Variants in SNX29 observed in about 807,000 individuals in gnomAD.
SNX29 encodes sorting nexin-29.
In SNX29, 78 loss-of-function variants were observed where a neutral mutation model predicts 102.1. The observed-to-expected ratio is 0.76, with a 90% CI of 0.64 to 0.92. The LOEUF is 0.92. Among genes scored for constraint, SNX29 ranks in the 40% least tolerant of loss-of-function variants. The pLI is 0.00. For missense variants in SNX29, 1,280 were observed against 1,061.7 expected, an observed-to-expected ratio of 1.21 and a Z score of -2.86; for synonymous variants, 580 against 414.5, an observed-to-expected ratio of 1.40 and a Z score of -4.85.
chr16:12,552,330 T>C (rs1267437727), intron 20 of SNX29, among the ~76,000 whole-genome samples: 1 of 152,146 alleles, frequency 6.6e-6, no homozygotes, highest in African/African-American at 2.4e-5. Flanking sequence ...GGAACTCCTC[T>C]CCTGGCTTCT....
chr16:12,140,153 G>C (rs1176712309), intron 13 of SNX29, among the ~76,000 whole-genome samples: 2 of 152,090 alleles, frequency 1.3e-5, no homozygotes, highest in Non-Finnish European at 2.9e-5. Context: ...AAGCTCTCAG[G>C]GGGTATCACG....
intron 14 of SNX29, among the ~76,000 whole-genome samples, chr16:12,239,862 A>G (rs1373567852): frequency 6.6e-6 from 1 of 152,146 alleles, no homozygotes; most frequent in Non-Finnish European, 1.5e-5. Flanking sequence ...AGTCTATTAG[A>G]ATTTTTTAAA....
chr16:12,386,618 G>A (rs1038595561), intron 16 of SNX29, among the ~76,000 whole-genome samples: 1 of 152,176 alleles, frequency 6.6e-6, no homozygotes, highest in Non-Finnish European at 1.5e-5. Flanking sequence ...TCCAGAGAAG[G>A]AGTCTGCTAA....
chr16:12,351,810 A>C (rs1211567015), intron 15 of SNX29, among the ~76,000 whole-genome samples: 2 of 152,246 alleles, frequency 1.3e-5, no homozygotes, highest in South Asian at 4.2e-4. Flanking sequence ...CTTTTAGGCC[A>C]GGGCTACCAA....
chr16:12,568,304 T>TGAAAAAAAAAAA (rs1555465909), intron 20 of SNX29, among the ~76,000 whole-genome samples: 1 of 146,340 alleles, frequency 6.8e-6, no homozygotes, highest in Non-Finnish European at 1.5e-5. Flanking sequence ...GGAGTGCTGT[T>TGAAAAAAAAAAA]AAAAAAAAAA....
At chr16:12,403,255 T>TGGGG (rs200446987) in intron 17 of SNX29, among the ~76,000 whole-genome samples, 193 bp from the exon 18 acceptor site, 27 of 100,952 alleles carry the variant, frequency 2.7e-4, no homozygotes, top group Admixed American at 1.5e-3. Flanking sequence ...TGTGTGTGTG[T>TGGGG]AGAGAGAGAC....
At chr16:12,353,810 T>G (rs995440107) in intron 15 of SNX29, among the ~76,000 whole-genome samples, 14 of 152,260 alleles carry the variant, frequency 9.2e-5, no homozygotes. Flanking sequence ...GTTTGGGTTT[T>G]ACTCTTAAAG....
chr16:12,278,243 A>G (rs1239035155), intron 15 of SNX29, among the ~76,000 whole-genome samples: 3 of 152,222 alleles, frequency 2.0e-5, no homozygotes, highest in African/African-American at 7.2e-5. Flanking sequence ...AAATATTGGA[A>G]CTTTTTGGCA....
chr16:12,293,429 G>T (rs1257531719), intron 15 of SNX29, among the ~76,000 whole-genome samples: 1 of 152,210 alleles, frequency 6.6e-6, no homozygotes, highest in Non-Finnish European at 1.5e-5. Flanking sequence ...TGTTCAGACA[G>T]TGTGTTTGTT....
At chr16:11,999,203 A>G (rs574700124) in intron 1 of SNX29, 94 bp from the exon 2 acceptor site, 1 of 1,128,004 alleles carries the variant, frequency 8.9e-7, no homozygotes, top group African/African-American at 1.6e-5. Context: ...TGTGCTACTG[A>G]TTTTGTTAAA....
chr16:12,300,538 C>G (rs2080135148), intron 15 of SNX29, among the ~76,000 whole-genome samples: 2 of 152,216 alleles, frequency 1.3e-5, no homozygotes, highest in African/African-American at 4.8e-5. Context: ...CTGTTAACCT[C>G]AGTCCCTTTT....
chr16:12,217,201 G>A (rs1339002886), intron 14 of SNX29, among the ~76,000 whole-genome samples: 2 of 152,126 alleles, frequency 1.3e-5, no homozygotes, highest in African/African-American at 4.8e-5. Context: ...TGTATTTTTT[G>A]TAGAGACAGG....
At chr16:12,565,889 C>T (rs773807618) in intron 20 of SNX29, among the ~76,000 whole-genome samples, 5 of 151,798 alleles carry the variant, frequency 3.3e-5, no homozygotes, top group Admixed American at 6.6e-5. Context: ...CCTGAGTTCC[C>T]TCTCATTGGG....
intron 15 of SNX29, among the ~76,000 whole-genome samples, chr16:12,340,224 G>T (rs1413001278): frequency 1.3e-5 from 2 of 152,120 alleles, no homozygotes; most frequent in Non-Finnish European, 2.9e-5. Context: ...AACTAGAATG[G>T]AATGCAGCTG....
chr16:12,239,913 A>G (rs2078050630), intron 14 of SNX29, among the ~76,000 whole-genome samples: 1 of 152,144 alleles, frequency 6.6e-6, no homozygotes, highest in South Asian at 2.1e-4. Context: ...TTGTAATCTC[A>G]TCACCCAAAA....
intron 8 of SNX29, among the ~76,000 whole-genome samples, chr16:12,055,574 G>C (rs887873585): frequency 2.0e-5 from 3 of 152,144 alleles, no homozygotes. Flanking sequence ...TGATTGTGGG[G>C]CTGGGAAGTC....
chr16:12,094,861 CT>C (rs200722191), intron 11 of SNX29, among the ~76,000 whole-genome samples: 2 of 151,092 alleles, frequency 1.3e-5, no homozygotes, highest in South Asian at 2.1e-4. Context: ...TTGTCTTAGG[CT>C]TTTTTTTTAA....
intron 8 of SNX29, chr16:12,060,698 A>G (rs750204377): frequency 2.9e-5 from 13 of 449,292 alleles, no homozygotes; most frequent in Non-Finnish European, 4.0e-5. Flanking sequence ...GGACGGCTAT[A>G]CTGCAAAAAT....
At chr16:12,410,063 C>T (rs767591201) in intron 18 of SNX29, among the ~76,000 whole-genome samples, 9 of 151,044 alleles carry the variant, frequency 6.0e-5, no homozygotes, top group East Asian at 2.0e-4. Context: ...AGCGCAATCT[C>T]GGTTCACTGC....
Sources: gnomAD v4.1 joint callset for allele counts (sites outside exome capture counted in the v4.1 genomes callset) on GRCh38, gnomAD v4.1.1 for gene constraint, MANE v1.5 for transcripts, NCBI Gene and HGNC (gene_info 2026-07-23, HGNC 2026-07-21) for gene names.